BCL2L1: variants seen among roughly 807,000 people sequenced by gnomAD.
The protein encoded by BCL2L1 is bcl-2-like protein 1.
A neutral mutation model predicts 18.7 loss-of-function variants in BCL2L1; 1 was observed. The observed-to-expected ratio is 0.05, with a 90% CI of 0.02 to 0.25. The LOEUF is 0.25. BCL2L1 is among the 10% of genes least tolerant of loss of function. The probability of loss-of-function intolerance (pLI) is 1.00; values close to 1 mark genes in which losing one functional copy is unlikely to be tolerated. For missense variants in BCL2L1, 207 were observed against 304.9 expected (o/e 0.68, Z 2.39); for synonymous variants, 103 against 122.7 (o/e 0.84, Z 1.06).
At position 31,673,814 on chromosome 20, in the gene BCL2L1, TGA is replaced by T. The variant is rs1227078191; in HGVS notation, c.565-7730_565-7729del. Among the ~76,000 whole-genome samples the T allele has an allele frequency of 3.3e-5, 5 of 152,304 alleles. No homozygotes were observed. The East Asian group carries it at 9.6e-4, about 29-fold the overall frequency. On this transcript the variant is annotated intron_variant, in intron 2 of 2. Coordinates refer to ENST00000307677, the MANE Select transcript of BCL2L1 (RefSeq NM_138578.3). ...TACATGTACAATCATCATATTCACT[TGA>T]GAGATTATTTTTTGTCCTGTCTCCC...
At chr20:31,722,913 G>GC (rs1195213711), upstream of BCL2L1, 4 of 152,396 alleles carry the variant, frequency 2.6e-5, no homozygotes, top group Non-Finnish European at 4.4e-5. Flanking sequence ...CGGGAGCCCA[G>GC]CCCCCTCTCT....
chr20:31,678,808 C>T (rs574514340), intron 2 of BCL2L1, among the ~76,000 whole-genome samples: 3 of 152,206 alleles, frequency 2.0e-5, no homozygotes, highest in African/African-American at 7.2e-5. Flanking sequence ...TTTCAGCCAC[C>T]TTTATCTGAT....
upstream of BCL2L1, chr20:31,723,946 C>G: frequency 2.0e-6 from 2 of 985,478 alleles, no homozygotes; most frequent in Non-Finnish European, 2.4e-6. Context: ...CAAGCTCAGT[C>G]ACTTCCGGTG....
chr20:31,708,675 C>T (rs1259790308), intron 2 of BCL2L1, among the ~76,000 whole-genome samples: 1 of 152,186 alleles, frequency 6.6e-6, no homozygotes, highest in East Asian at 1.9e-4. Flanking sequence ...TTCCTTAGGC[C>T]AGAACCATGG....
chr20:31,721,454 T>C (rs2061628541), intron 2 of BCL2L1: 3 of 605,186 alleles, frequency 5.0e-6, no homozygotes, highest in African/African-American at 4.7e-5. Flanking sequence ...GGGTGAAAGA[T>C]GCCTGATCTC....
intron 2 of BCL2L1, among the ~76,000 whole-genome samples, chr20:31,711,289 G>T (rs1001080189): frequency 2.0e-5 from 3 of 152,224 alleles, no homozygotes; most frequent in Non-Finnish European, 2.9e-5. Context: ...ATTTGAAGCT[G>T]ATTTGCTTTG....
chr20:31,676,257 C>T (rs947572100), intron 2 of BCL2L1, among the ~76,000 whole-genome samples: 1 of 152,170 alleles, frequency 6.6e-6, no homozygotes, highest in Admixed American at 6.5e-5. Flanking sequence ...GTGCTAAGTG[C>T]TTCGTGTGTA....
At chr20:31,696,512 G>C (rs961974555) in intron 2 of BCL2L1, among the ~76,000 whole-genome samples, 2 of 152,168 alleles carry the variant, frequency 1.3e-5, no homozygotes, top group African/African-American at 4.8e-5. Context: ...GTGTACTCTA[G>C]GGCACTTACT....
At chr20:31,717,716 C>T (rs910019871) in intron 2 of BCL2L1, among the ~76,000 whole-genome samples, 2 of 152,214 alleles carry the variant, frequency 1.3e-5, no homozygotes, top group Non-Finnish European at 2.9e-5. Context: ...GAAGAAGCCA[C>T]ATTAGGCAAT....
chr20:31,720,188 C>T (rs886270148), intron 2 of BCL2L1: 64 of 979,794 alleles, frequency 6.5e-5, no homozygotes, highest in Non-Finnish European at 7.5e-5. Context: ...AGAGCTGGCA[C>T]AGACGAGTTG....
chr20:31,721,810 A>G lies in BCL2L1; in HGVS notation c.409T>C (p.Trp137Arg). The G allele has an allele frequency of 6.2e-7, 1 of 1,614,156 alleles. No homozygotes were observed. Among genetic ancestry groups the G allele is most frequent in the Non-Finnish European group, 8.5e-7 (1 of 1,180,024 alleles). ...VNELFRDGVN[W>R]GRIVAFFSFG... ...GAGAAAAAGGCCACAATGCGACCCC[A>G]GTTTACCCCATCCCGGAAGAGTTCA... is the stretch of plus-strand genomic sequence containing the variant. The change falls in exon 2 of 3, where the codon TGG (tryptophan) becomes CGG (arginine). Residue 137 changes from tryptophan (W) to arginine (R), a missense_variant. Transcript: ENST00000307677.
rs772077664 is a variant in BCL2L1, at chr20:31,665,996, T to C, written c.655A>G (p.Thr219Ala). 1 of 1,614,100 alleles carries C rather than the reference T, an allele frequency of 6.2e-7. No homozygotes were observed. The highest frequency in any genetic ancestry group is 8.5e-7 in the Non-Finnish European group (1 of 1,180,016). The change falls in exon 3 of 3, where the codon ACT (threonine) becomes GCT (alanine). Residue 219 changes from threonine to alanine, a missense_variant. Coordinates refer to ENST00000307677, the MANE Select transcript of BCL2L1 (RefSeq NM_138578.3). The stretch of plus-strand genomic sequence containing the variant: ...CCCAGCAGAACCACGCCGGCCACAG[T>C]CATGCCCGTCAGGAACCAGCGGTTG... ...RFNRWFLTGM[T>A]VAGVVLLGSL...
intron 2 of BCL2L1, among the ~76,000 whole-genome samples, chr20:31,674,808 GA>G (rs2060731169): frequency 6.9e-6 from 1 of 144,766 alleles, no homozygotes; most frequent in Admixed American, 7.1e-5. Flanking sequence ...CTGGGAGGTT[GA>G]AACTGCAGTG....
At chr20:31,671,309 C>A (rs1168986388) in intron 2 of BCL2L1, among the ~76,000 whole-genome samples, 11 of 152,010 alleles carry the variant, frequency 7.2e-5, no homozygotes, top group Non-Finnish European at 1.3e-4. Flanking sequence ...AGGAGATGCC[C>A]AGGCTAGTAT....
intron 2 of BCL2L1, among the ~76,000 whole-genome samples, chr20:31,704,256 A>G (rs979491971): frequency 2.0e-5 from 3 of 151,428 alleles, no homozygotes; most frequent in African/African-American, 7.3e-5. Flanking sequence ...GGCGTGCACC[A>G]CACCCGGCTA....
intron 2 of BCL2L1, among the ~76,000 whole-genome samples, chr20:31,715,253 C>G (rs796099972): frequency 1.5e-4 from 21 of 139,664 alleles, no homozygotes; most frequent in Non-Finnish European, 2.6e-4. Context: ...GTCTGGGAGA[C>G]AGAGAAAGAC....
intron 2 of BCL2L1, among the ~76,000 whole-genome samples, chr20:31,699,881 A>G (rs1450550633): frequency 6.6e-6 from 1 of 152,238 alleles, no homozygotes; most frequent in Non-Finnish European, 1.5e-5. Flanking sequence ...ATGGTAGTCA[A>G]CCATTATCCC....
At chr20:31,723,961 G>C (rs2061675895), upstream of BCL2L1, 1 of 985,490 alleles carries the variant, frequency 1.0e-6, no homozygotes. Context: ...CCGGTGCCGC[G>C]GCAACGCGCG....
Position 31,665,509 on chromosome 20 carries a change from G to A in BCL2L1, c.*440C>T, listed in dbSNP as rs1315641317. 6.0e-6 allele frequency: 1 copy of A among 167,106 alleles called. No individual in the cohort carries two copies. The highest frequency in any genetic ancestry group is 1.3e-5 in the Non-Finnish European group (1 of 77,208). 10.4% of individuals were successfully genotyped at this position (167,106 alleles called of 1,614,324 possible). A position where few individuals can be genotyped will look rare whatever the true frequency, so the allele number is the denominator to read the frequency against. On this transcript the variant is annotated 3_prime_UTR_variant, in exon 3 of 3. Transcript: ENST00000307677. ...CAGGTTAGTGTGGGGAGAGTGGGGG[G>A]AAAATGATCAATTCTGAGGCCACAA... is the stretch of plus-strand genomic sequence containing the variant.
Sources: gnomAD v4.1 joint callset for allele counts (sites outside exome capture counted in the v4.1 genomes callset) on GRCh38, gnomAD v4.1.1 for gene constraint, MANE v1.5 for transcripts, NCBI Gene and HGNC (gene_info 2026-07-23, HGNC 2026-07-21) for gene names.